PAM: variants seen among roughly 807,000 people sequenced by gnomAD.
PAM encodes peptidyl-glycine alpha-amidating monooxygenase.
Under a neutral mutation model 122.1 loss-of-function variants are expected in PAM, and 72 were observed. The observed-to-expected ratio is 0.59, with a 90% confidence interval of 0.49 to 0.72. PAM has a LOEUF of 0.72. PAM is among the 30% of genes least tolerant of loss of function. The probability of loss-of-function intolerance (pLI) is 0.00; values close to 1 mark genes in which losing one functional copy is unlikely to be tolerated. For missense variants in PAM, 1,106 were observed against 1,183.7 expected (o/e 0.93, Z 0.96); for synonymous variants, 389 against 404.4 (o/e 0.96, Z 0.46).
chr5:103,015,452 C>T (rs1781707043), intron 21 of PAM, among the ~76,000 whole-genome samples: 1 of 152,018 alleles, frequency 6.6e-6, no homozygotes, highest in African/African-American at 2.4e-5. Flanking sequence ...GCTGGGGGTA[C>T]CTCAAAAGAA....
chr5:102,825,750 G>A (rs258245), intron 1 of PAM, among the ~76,000 whole-genome samples: 68,151 of 152,010 alleles, frequency 0.45, 15,523 homozygotes, highest in Middle Eastern at 0.57. Flanking sequence ...GGGAGGCTGA[G>A]ACAGAAGGAT....
In PAM at chr5:102,974,413, C is replaced by A; in HGVS notation, c.1460C>A (p.Thr487Asn). ...SLQQPPPGEG[T>N]WEPEHTGDFH... ...CAGCAGCCCCCACCTGGTGAAGGCACCTGGGAACCAGAACACACAGGAGGT... is the reference window on the plus strand; with the variant it reads ...CAGCAGCCCCCACCTGGTGAAGGCAACTGGGAACCAGAACACACAGGAGGT... Residue 487 changes from threonine (T) to asparagine (N), a missense_variant, in exon 15 of 26, where the codon ACC becomes AAC. By Grantham distance (65) the Thr-to-Asn change is moderately conservative. This residue lies in a region of PAM where 670 missense variants were observed against 690.3 expected (regional missense o/e 0.97). Coordinates refer to ENST00000438793, the MANE Select transcript of PAM (RefSeq NM_001177306.2). 1 of 1,613,104 alleles carries A rather than the reference C, an allele frequency of 6.2e-7. No homozygotes were observed. The highest frequency in any genetic ancestry group is 8.5e-7 in the Non-Finnish European group (1 of 1,179,314).
At chr5:102,794,018 A>C (rs1434955173) in intron 1 of PAM, among the ~76,000 whole-genome samples, 1 of 152,092 alleles carries the variant, frequency 6.6e-6, no homozygotes, top group Non-Finnish European at 1.5e-5. Context: ...ATTTAAGTAA[A>C]ATTTATTATT....
At chr5:102,936,773 A>G (rs1463076718) in intron 7 of PAM, among the ~76,000 whole-genome samples, 1 of 152,150 alleles carries the variant, frequency 6.6e-6, no homozygotes, top group Non-Finnish European at 1.5e-5. Context: ...GAGCCAATGT[A>G]TTACTAGAAT....
chr5:102,819,753 G>A (rs958021104), intron 1 of PAM, among the ~76,000 whole-genome samples: 1 of 152,126 alleles, frequency 6.6e-6, no homozygotes, highest in African/African-American at 2.4e-5. Context: ...AAAGTACATG[G>A]TATGTCTCGT....
At chr5:102,928,497 T>G (rs1750377668) in intron 7 of PAM, among the ~76,000 whole-genome samples, 1 of 152,226 alleles carries the variant, frequency 6.6e-6, no homozygotes, top group African/African-American at 2.4e-5. Flanking sequence ...ATATATGGGG[T>G]AGAAAGATTA....
rs558675721 is a variant in PAM at position 102,856,562 on chromosome 5, G to C, written c.-373-9261G>C. Among the ~76,000 whole-genome samples the C allele has an allele frequency of 2.2e-3, 337 of 152,204 alleles. 1 individual carries two copies. The highest frequency in any genetic ancestry group is 4.3e-3 in the Non-Finnish European group (291 of 68,012). On this transcript the variant is annotated intron_variant, in intron 1 of 25. Coordinates refer to ENST00000438793, the MANE Select transcript of PAM (RefSeq NM_001177306.2). Reference sequence around the variant, plus strand: ...ATACATGTGTTAGGAAGCAACATTTGTATTAGTCAAAGCTGAGGAATTTAA... The same window carrying C: ...ATACATGTGTTAGGAAGCAACATTTCTATTAGTCAAAGCTGAGGAATTTAA...
At chr5:102,984,772 GA>G (rs1224624351) in intron 15 of PAM, among the ~76,000 whole-genome samples, 2 of 152,140 alleles carry the variant, frequency 1.3e-5, no homozygotes, top group Non-Finnish European at 2.9e-5. Context: ...AACAGCTGGA[GA>G]ATGCACATTC....
chr5:102,822,719 C>T (rs1184760567), intron 1 of PAM, among the ~76,000 whole-genome samples: 2 of 152,134 alleles, frequency 1.3e-5, no homozygotes, highest in African/African-American at 4.8e-5. Context: ...GAAGGGGCAG[C>T]AGGGAAGACT....
chr5:102,818,580 T>C (rs1770702253), intron 1 of PAM, among the ~76,000 whole-genome samples: 1 of 152,160 alleles, frequency 6.6e-6, no homozygotes, highest in African/African-American at 2.4e-5. Context: ...CATGTGTCTT[T>C]GCTCAGGATG....
intron 12 of PAM, among the ~76,000 whole-genome samples, chr5:102,953,003 T>C (rs568344238): frequency 6.6e-6 from 1 of 152,140 alleles, no homozygotes; most frequent in Non-Finnish European, 1.5e-5. Flanking sequence ...CTCCATGTAC[T>C]GCGAGAACTC....
chr5:102,913,685 A>G (rs964875461), intron 4 of PAM, among the ~76,000 whole-genome samples: 1 of 151,938 alleles, frequency 6.6e-6, no homozygotes, highest in African/African-American at 2.4e-5. Flanking sequence ...GAGGTCTTCC[A>G]TTTTAAAAAT....
chr5:102,797,456 G>A (rs1580239056), intron 1 of PAM, among the ~76,000 whole-genome samples: 1 of 152,208 alleles, frequency 6.6e-6, no homozygotes, highest in East Asian at 1.9e-4. Flanking sequence ...GATTTTGAAG[G>A]ACATTTTGTT....
chr5:102,929,042 A>G (rs1045738697), intron 7 of PAM, among the ~76,000 whole-genome samples: 2 of 152,180 alleles, frequency 1.3e-5, no homozygotes, highest in Non-Finnish European at 1.5e-5. Flanking sequence ...CAAGCCCAAG[A>G]AAAAAAGGAA....
Position 102,865,804 on chromosome 5 carries a change from T to A in PAM, c.-373-19T>A, listed in dbSNP as rs1581107192. On this transcript the variant is annotated intron_variant, in intron 1 of 25. Transcript: ENST00000438793. ...GCTGTAACGTGTTAGTCATCCATTATCTGCTTCTATTTTTGCAGGTTCTGA... is the reference window on the plus strand; with the variant it reads ...GCTGTAACGTGTTAGTCATCCATTAACTGCTTCTATTTTTGCAGGTTCTGA... The A allele has an allele frequency of 5.3e-6, 1 of 188,948 alleles. No homozygotes were observed. The highest frequency in any genetic ancestry group is 1.1e-5 in the Non-Finnish European group (1 of 93,700). 11.7% of individuals were successfully genotyped at this position (188,948 alleles called of 1,614,324 possible).
At chr5:102,845,634 A>G (rs2150641637) in intron 1 of PAM, among the ~76,000 whole-genome samples, 1 of 152,324 alleles carries the variant, frequency 6.6e-6, no homozygotes, top group East Asian at 1.9e-4. Context: ...CAGAACATCC[A>G]ATACTTCCAT....
intron 1 of PAM, among the ~76,000 whole-genome samples, chr5:102,789,496 T>G (rs941379911): frequency 6.6e-6 from 1 of 152,114 alleles, no homozygotes; most frequent in African/African-American, 2.4e-5. Flanking sequence ...ACAACATGGC[T>G]GATCCTTGAA....
chr5:102,786,687 A>G (rs1263070854), intron 1 of PAM, among the ~76,000 whole-genome samples: 1 of 152,146 alleles, frequency 6.6e-6, no homozygotes, highest in Non-Finnish European at 1.5e-5. Context: ...GCCATTTTTT[A>G]GGTCAAAGTT....
At chr5:102,812,003 T>C (rs1768071292) in intron 1 of PAM, among the ~76,000 whole-genome samples, 1 of 152,212 alleles carries the variant, frequency 6.6e-6, no homozygotes, top group Admixed American at 6.5e-5. Flanking sequence ...TTCCATTAGT[T>C]AACTCCTATG....
Sources: allele counts gnomAD v4.1 joint callset (sites outside exome capture counted in the v4.1 genomes callset), GRCh38; gene constraint gnomAD v4.1.1; regional missense constraint gnomAD v4.1.1; transcripts MANE v1.5; gene names NCBI Gene and HGNC (gene_info 2026-07-23, HGNC 2026-07-21).